Variants in DOCK2 observed in about 807,000 individuals in gnomAD.
The protein encoded by DOCK2 is dedicator of cytokinesis protein 2.
In DOCK2, 87 loss-of-function variants were observed where a neutral mutation model predicts 248.9. The observed-to-expected ratio is 0.35, with a 90% CI of 0.29 to 0.42. DOCK2 has a LOEUF of 0.42. Ranked by LOEUF, DOCK2 falls within the 10% of genes least tolerant of loss-of-function variation. The pLI is 1.00. For synonymous variants in DOCK2, 805 were observed against 821.6 expected, an observed-to-expected ratio of 0.98 and a Z score of 0.35; for missense variants, 1,747 against 2,300.2, an observed-to-expected ratio of 0.76 and a Z score of 4.92.
chr5:169,889,942 C>T (rs1561798936), intron 27 of DOCK2, among the ~76,000 whole-genome samples: 1 of 152,348 alleles, frequency 6.6e-6, no homozygotes, highest in East Asian at 1.9e-4. Context: ...CGTGTCCCTT[C>T]TCTGAACTTA....
chr5:169,789,613 T>C (rs971716821), intron 25 of DOCK2, among the ~76,000 whole-genome samples: 1 of 152,224 alleles, frequency 6.6e-6, no homozygotes, highest in African/African-American at 2.4e-5. Context: ...CTTTTATTGC[T>C]GTAGAGTCCA....
chr5:169,918,347 C>T (rs1774986042), intron 27 of DOCK2, among the ~76,000 whole-genome samples: 1 of 152,194 alleles, frequency 6.6e-6, no homozygotes, highest in African/African-American at 2.4e-5. Flanking sequence ...TTCTTCTGCT[C>T]AGTATCTAAC....
At chr5:169,861,808 C>G (rs2113409540) in intron 27 of DOCK2, among the ~76,000 whole-genome samples, 1 of 152,236 alleles carries the variant, frequency 6.6e-6, no homozygotes, top group South Asian at 2.1e-4. Context: ...GAAGAGAACT[C>G]CTTCCCAGTT....
At chr5:170,010,923 A>G (rs1365930452) in intron 32 of DOCK2, among the ~76,000 whole-genome samples, 4 of 152,184 alleles carry the variant, frequency 2.6e-5, no homozygotes, top group East Asian at 1.9e-4. Context: ...AGAAGATTTT[A>G]TTTAGATATA....
At chr5:169,923,147 G>A (rs1450545484) in intron 27 of DOCK2, among the ~76,000 whole-genome samples, 4 of 152,288 alleles carry the variant, frequency 2.6e-5, no homozygotes, top group African/African-American at 9.6e-5. Context: ...TCACCTCTGT[G>A]CTGGGTTCCT....
At chr5:169,670,221 G>A (rs1045335337) in intron 3 of DOCK2, among the ~76,000 whole-genome samples, 1 of 152,156 alleles carries the variant, frequency 6.6e-6, no homozygotes, top group South Asian at 2.1e-4. Context: ...TCTTTCAAAC[G>A]ATACTGTCTT....
chr5:169,806,183 T>C (rs1767342623), intron 26 of DOCK2, among the ~76,000 whole-genome samples: 1 of 151,852 alleles, frequency 6.6e-6, no homozygotes, highest in Non-Finnish European at 1.5e-5. Context: ...GCTCTCAACA[T>C]TGCCTCATTG....
chr5:169,958,157 A>G (rs1776942413), intron 27 of DOCK2, among the ~76,000 whole-genome samples: 1 of 152,300 alleles, frequency 6.6e-6, no homozygotes. Context: ...TGTCAACTTG[A>G]TTATCTACCC....
chr5:170,045,648 C>T (rs924970626), intron 38 of DOCK2, among the ~76,000 whole-genome samples, 168 bp from the exon 39 acceptor site: 11 of 152,088 alleles, frequency 7.2e-5, no homozygotes, highest in Non-Finnish European at 1.5e-4. Context: ...AGAGGAAGGT[C>T]GTCCTCTCTA....
chr5:169,991,614 A>G lies in DOCK2; in HGVS notation c.2994-4472A>G, dbSNP rs187906774. Among the ~76,000 whole-genome samples, 45 of 152,366 alleles carry G rather than the reference A, an allele frequency of 3.0e-4. 1 individual carries two copies. The highest frequency in any genetic ancestry group is 1.1e-3 in the African/African-American group (45 of 41,588). ...GGCCAGCCCATACAAGACTGCTTTG[A>G]GTCACGTGTTGGCTCTGGACCCAGT... On this transcript the variant is annotated intron_variant, in intron 29 of 51. Transcript: ENST00000520908.
At chr5:170,007,372 T>C (rs1162773315) in intron 30 of DOCK2, among the ~76,000 whole-genome samples, 1 of 152,162 alleles carries the variant, frequency 6.6e-6, no homozygotes, top group African/African-American at 2.4e-5. Flanking sequence ...ACCAAAACCC[T>C]AGGCTGTATC....
chr5:169,676,716 G>T (rs1222113429), intron 6 of DOCK2, among the ~76,000 whole-genome samples: 1 of 152,140 alleles, frequency 6.6e-6, no homozygotes, highest in Non-Finnish European at 1.5e-5. Flanking sequence ...TGGGAGATTG[G>T]GTGGGGGTGG....
chr5:169,934,695 T>C (rs1402759694), intron 27 of DOCK2: 6 of 455,980 alleles, frequency 1.3e-5, no homozygotes, highest in Non-Finnish European at 1.8e-5. Flanking sequence ...TGCTACGGAG[T>C]ATTAAATGTG....
At chr5:169,754,922 T>TATTTATTTATTG (rs1291554722) in intron 23 of DOCK2, among the ~76,000 whole-genome samples, 19 of 139,368 alleles carry the variant, frequency 1.4e-4, no homozygotes, top group African/African-American at 4.9e-4. Context: ...TATTTTTTAT[T>TATTTATTTATTG]ATTTATTTAT....
intron 29 of DOCK2, among the ~76,000 whole-genome samples, chr5:169,993,131 T>C (rs1778252974): frequency 6.6e-6 from 1 of 152,254 alleles, no homozygotes; most frequent in Non-Finnish European, 1.5e-5. Context: ...AGGCACTCAA[T>C]GCATTTCCAT....
chr5:169,651,363 G>A (rs1244092679), intron 1 of DOCK2, among the ~76,000 whole-genome samples: 1 of 152,168 alleles, frequency 6.6e-6, no homozygotes, highest in Non-Finnish European at 1.5e-5. Context: ...TGAATACCCA[G>A]TTTCAAGATC....
At chr5:169,957,717 T>C (rs1380792790) in intron 27 of DOCK2, among the ~76,000 whole-genome samples, 1 of 152,166 alleles carries the variant, frequency 6.6e-6, no homozygotes, top group Non-Finnish European at 1.5e-5. Context: ...TACCCTGGCT[T>C]TGTGGGGTGA....
At chr5:169,926,241 C>T (rs1162378567) in intron 27 of DOCK2, among the ~76,000 whole-genome samples, 2 of 152,220 alleles carry the variant, frequency 1.3e-5, no homozygotes, top group Admixed American at 1.3e-4. Flanking sequence ...AAGCCACTCA[C>T]CTGATTGTCT....
chr5:169,966,484 A>G (rs917759247), intron 27 of DOCK2, among the ~76,000 whole-genome samples: 3 of 152,222 alleles, frequency 2.0e-5, no homozygotes, highest in Non-Finnish European at 4.4e-5. Flanking sequence ...ATGTAATCAC[A>G]TTCAATCTAT....
Sources: gnomAD v4.1 joint callset for allele counts (sites outside exome capture counted in the v4.1 genomes callset) on GRCh38, gnomAD v4.1.1 for gene constraint, MANE v1.5 for transcripts, NCBI Gene and HGNC (gene_info 2026-07-23, HGNC 2026-07-21) for gene names.